LRRFIP1: variants seen among roughly 807,000 people sequenced by gnomAD.
LRRFIP1 encodes leucine-rich repeat flightless-interacting protein 1.
LRRFIP1 carries 62 observed loss-of-function variants against 104.4 expected under a neutral mutation model. That is an observed-to-expected ratio of 0.59 (90% CI 0.48 to 0.73). The LOEUF (loss-of-function observed/expected upper bound fraction) is 0.73. LRRFIP1 is among the 30% of genes least tolerant of loss of function. The pLI is 0.00. For synonymous variants in LRRFIP1, 300 were observed against 299.0 expected, an observed-to-expected ratio of 1.00 and a Z score of -0.03; for missense variants, 796 against 824.5, an observed-to-expected ratio of 0.97 and a Z score of 0.42.
At chr2:237,770,170 A>C (rs1298584768) in intron 20 of LRRFIP1, 178 bp downstream of exon 20, 7 of 597,050 alleles carry the variant, frequency 1.2e-5, no homozygotes, top group African/African-American at 1.1e-4. Flanking sequence ...TAATATTTTC[A>C]TCCAAAGAGA....
At chr2:237,751,308 C>A in intron 14 of LRRFIP1, 37 bp downstream of exon 14, 1 of 1,465,604 alleles carries the variant, frequency 6.8e-7, no homozygotes, top group Non-Finnish European at 9.3e-7. Context: ...ACGATATTAA[C>A]CCAACTTAAC....
rs150020848 is a variant in LRRFIP1, at chr2:237,769,904, G to A, written c.1460-39G>A. 1.5e-3 allele frequency: 2,316 copies of A among 1,516,390 alleles called. 43 individuals carry two copies. The South Asian group carries it at 0.019, about 13-fold the overall frequency. The allele number at this position is 1,516,390 out of a possible 1,614,324, so 93.9% of individuals were successfully genotyped here. A position where few individuals can be genotyped will look rare whatever the true frequency, so the allele number is the denominator to read the frequency against. On this transcript the variant is annotated intron_variant, in intron 19 of 23. Transcript: ENST00000308482. ...AGCAATGTGCTGAAAGGCGCGGCAC[G>A]CGGATTCACCTAAACCTGTGTCTTT...
chr2:237,727,184 C>T (rs944921912), intron 7 of LRRFIP1, among the ~76,000 whole-genome samples: 23 of 151,920 alleles, frequency 1.5e-4, no homozygotes, highest in African/African-American at 5.1e-4. Flanking sequence ...GATGAAACCC[C>T]GTCTCTACTA....
chr2:237,760,295 C>A, intron 19 of LRRFIP1, 90 bp downstream of exon 19: 1 of 1,413,568 alleles, frequency 7.1e-7, no homozygotes, highest in Admixed American at 2.1e-5. Context: ...GCCACCGTCG[C>A]TGATGGGTTA....
At chr2:237,713,314 G>C (rs569053874) in intron 2 of LRRFIP1, among the ~76,000 whole-genome samples, 67 of 152,268 alleles carry the variant, frequency 4.4e-4, no homozygotes, top group African/African-American at 1.5e-3. Context: ...GCTGCGTTCC[G>C]GGGTCTGTTT....
intron 21 of LRRFIP1, 90 bp downstream of exon 21, chr2:237,772,288 A>AT (rs1244749796): frequency 3.0e-6 from 3 of 994,576 alleles, no homozygotes; most frequent in African/African-American, 1.6e-5. Context: ...CACGGCAAAG[A>AT]ATGCCCTCAT....
intron 19 of LRRFIP1, chr2:237,764,991 G>T: frequency 2.0e-6 from 2 of 983,984 alleles, no homozygotes; most frequent in Non-Finnish European, 2.4e-6. Flanking sequence ...GCCGGGCGTG[G>T]TGGCTCATGC....
chr2:237,744,537 G>A (rs923965538), intron 11 of LRRFIP1, among the ~76,000 whole-genome samples: 1 of 152,238 alleles, frequency 6.6e-6, no homozygotes, highest in African/African-American at 2.4e-5. Context: ...TTTAGACACA[G>A]TGTTAGAAAG....
chr2:237,663,483 T>C (rs917322513), intron 1 of LRRFIP1, among the ~76,000 whole-genome samples: 4 of 152,162 alleles, frequency 2.6e-5, no homozygotes, highest in Non-Finnish European at 5.9e-5. Context: ...TCACCCCTTC[T>C]ATGAACAAGA....
intron 23 of LRRFIP1, among the ~76,000 whole-genome samples, chr2:237,779,013 G>A (rs1367793566): frequency 6.6e-6 from 1 of 152,160 alleles, no homozygotes; most frequent in Non-Finnish European, 1.5e-5. Context: ...CACGAGGTCA[G>A]GAGATCGAGA....
intron 19 of LRRFIP1, chr2:237,762,878 G>C: frequency 6.2e-7 from 1 of 1,614,200 alleles, no homozygotes; most frequent in South Asian, 1.1e-5. Flanking sequence ...AGTACAGGTT[G>C]AGTCAAATGA....
intron 6 of LRRFIP1, 50 bp from the exon 7 acceptor site, chr2:237,723,498 G>A (rs1473575039): frequency 2.5e-6 from 4 of 1,593,280 alleles, no homozygotes; most frequent in East Asian, 4.5e-5. Context: ...TTTACTTTTG[G>A]CAACTCTCTT....
At chr2:237,720,966 C>T in intron 6 of LRRFIP1, 144 bp downstream of exon 6, 1 of 687,838 alleles carries the variant, frequency 1.5e-6, no homozygotes, top group East Asian at 2.6e-5. Context: ...TACTTAAAAT[C>T]AAATCAATGG....
At chr2:237,677,336 G>A (rs1013258177) in intron 1 of LRRFIP1, among the ~76,000 whole-genome samples, 13 of 152,292 alleles carry the variant, frequency 8.5e-5, no homozygotes, top group African/African-American at 2.9e-4. Flanking sequence ...TGTCCTCAAG[G>A]TTTTCTCACA....
chr2:237,699,198 A>G (rs550020079), intron 1 of LRRFIP1, among the ~76,000 whole-genome samples: 1 of 152,218 alleles, frequency 6.6e-6, no homozygotes, highest in Admixed American at 6.5e-5. Context: ...AACAAAGCCA[A>G]GTATCATCAT....
intron 1 of LRRFIP1, among the ~76,000 whole-genome samples, chr2:237,653,127 C>G (rs2086210692): frequency 6.6e-6 from 1 of 152,180 alleles, no homozygotes; most frequent in South Asian, 2.1e-4. Flanking sequence ...TCCTGTATAG[C>G]CTGTGGAACT....
At chr2:237,657,466 A>G (rs1163318062) in intron 1 of LRRFIP1, among the ~76,000 whole-genome samples, 3 of 152,198 alleles carry the variant, frequency 2.0e-5, no homozygotes, top group Admixed American at 6.5e-5. Context: ...GCCATGATAA[A>G]GAGGTTCTTG....
intron 1 of LRRFIP1, among the ~76,000 whole-genome samples, chr2:237,706,963 G>A (rs1463672678): frequency 1.3e-5 from 2 of 152,134 alleles, no homozygotes; most frequent in Non-Finnish European, 2.9e-5. Context: ...ATGTAATATG[G>A]TCTTGGAAAT....
intron 19 of LRRFIP1, chr2:237,769,704 G>C: frequency 4.0e-6 from 2 of 501,200 alleles, no homozygotes; most frequent in Non-Finnish European, 7.2e-6. Context: ...TTAGCAGCCT[G>C]TTTGCATGCA....
Sources: gnomAD v4.1 joint callset for allele counts (sites outside exome capture counted in the v4.1 genomes callset) on GRCh38, gnomAD v4.1.1 for gene constraint, MANE v1.5 for transcripts, NCBI Gene and HGNC (gene_info 2026-07-23, HGNC 2026-07-21) for gene names.